Variants in RBFOX1 observed in about 807,000 individuals in gnomAD.
RBFOX1 encodes the protein RNA binding fox-1 homolog 1.
In RBFOX1, 8 loss-of-function variants were observed where a neutral mutation model predicts 57.7. The observed-to-expected ratio is 0.14, with a 90% CI of 0.08 to 0.25. The LOEUF (loss-of-function observed/expected upper bound fraction) is 0.25, where lower values mean the gene tolerates loss of function less well. Ranked by LOEUF, RBFOX1 falls within the 10% of genes least tolerant of loss-of-function variation. RBFOX1 has a pLI of 1.00. For synonymous variants in RBFOX1, 326 were observed against 222.4 expected, an observed-to-expected ratio of 1.47 and a Z score of -4.15; for missense variants, 611 against 548.5, an observed-to-expected ratio of 1.11 and a Z score of -1.14.
chr16:7,325,354 C>T (rs1394405791), intron 4 of RBFOX1, among the ~76,000 whole-genome samples: 2 of 152,186 alleles, frequency 1.3e-5, no homozygotes, highest in African/African-American at 4.8e-5. Context: ...CTGGTAGGAA[C>T]TGGGCTTTTA....
intron 4 of RBFOX1, among the ~76,000 whole-genome samples, chr16:7,388,621 C>T (rs934327098): frequency 6.8e-6 from 1 of 147,916 alleles, no homozygotes; most frequent in East Asian, 2.0e-4. Context: ...AGGCAGTCCC[C>T]AACTTAAAAG....
intron 3 of RBFOX1, chr16:6,873,776 T>G (rs934847844): frequency 1.3e-5 from 2 of 152,186 alleles, no homozygotes; most frequent in Non-Finnish European, 2.9e-5. Context: ...GCTTAATTAT[T>G]GCAGCAACTC....
At chr16:6,351,370 A>ATTTT (rs1446484402) in intron 2 of RBFOX1, among the ~76,000 whole-genome samples, 166 of 100,492 alleles carry the variant, frequency 1.7e-3, no homozygotes, top group Middle Eastern at 5.7e-3. Flanking sequence ...ATATATATAT[A>ATTTT]TATTTTTTTT....
At chr16:6,876,026 AAGC>A (rs1247963044) in intron 3 of RBFOX1, among the ~76,000 whole-genome samples, 1 of 151,902 alleles carries the variant, frequency 6.6e-6, no homozygotes, top group Non-Finnish European at 1.5e-5. Flanking sequence ...TAAAAAAAAT[AAGC>A]AGGCATAGTA....
intron 3 of RBFOX1, among the ~76,000 whole-genome samples, chr16:7,011,995 C>T (rs929547052): frequency 6.6e-6 from 1 of 152,168 alleles, no homozygotes; most frequent in African/African-American, 2.4e-5. Flanking sequence ...ATGTGGTGTT[C>T]TGATCAATGA....
chr16:7,225,757 G>T (rs953875298), intron 4 of RBFOX1, among the ~76,000 whole-genome samples: 3 of 99,518 alleles, frequency 3.0e-5, no homozygotes, highest in African/African-American at 8.4e-5. Flanking sequence ...GACATTTGGG[G>T]GTGGGGGGAG....
chr16:5,895,341 A>C (rs928330059), intron 4 of RBFOX1, among the ~76,000 whole-genome samples: 3 of 152,224 alleles, frequency 2.0e-5, no homozygotes, highest in Admixed American at 2.0e-4. Flanking sequence ...TCACATGCCC[A>C]TTACATTATC....
At chr16:6,148,036 C>A (rs1466755240) in intron 1 of RBFOX1, among the ~76,000 whole-genome samples, 1 of 152,192 alleles carries the variant, frequency 6.6e-6, no homozygotes. Context: ...GGTTTCTAAA[C>A]TGGCAGTGTA....
At chr16:5,278,655 T>A (rs2063198767) in intron 1 of RBFOX1, among the ~76,000 whole-genome samples, 1 of 152,250 alleles carries the variant, frequency 6.6e-6, no homozygotes, top group South Asian at 2.1e-4. Context: ...TTTTTAAGTG[T>A]TAGCCATGCA....
intron 1 of RBFOX1, among the ~76,000 whole-genome samples, chr16:5,275,748 A>G (rs1596365831): frequency 6.6e-6 from 1 of 152,226 alleles, no homozygotes; most frequent in Non-Finnish European, 1.5e-5. Context: ...AAGCAAAAAG[A>G]ACCAATCTAG....
At chr16:6,746,612 A>C (rs910488228) in intron 3 of RBFOX1, among the ~76,000 whole-genome samples, 1 of 151,964 alleles carries the variant, frequency 6.6e-6, no homozygotes, top group African/African-American at 2.4e-5. Flanking sequence ...TGGGAAGTTG[A>C]GGCTGCAGTG....
chr16:6,415,966 C>T (rs2093613846), intron 2 of RBFOX1, among the ~76,000 whole-genome samples: 1 of 152,202 alleles, frequency 6.6e-6, no homozygotes, highest in Non-Finnish European at 1.5e-5. Context: ...TTGTGCTTGT[C>T]ACAATATCCC....
At chr16:5,995,203 C>G (rs1463060590) in intron 4 of RBFOX1, among the ~76,000 whole-genome samples, 1 of 152,206 alleles carries the variant, frequency 6.6e-6, no homozygotes, top group African/African-American at 2.4e-5. Flanking sequence ...TATTTATTGA[C>G]TGCTCAGTAT....
chr16:6,137,163 A>G (rs2096672830), intron 1 of RBFOX1, among the ~76,000 whole-genome samples: 1 of 152,204 alleles, frequency 6.6e-6, no homozygotes, highest in Admixed American at 6.5e-5. Context: ...GTTGCGTACA[A>G]ATTTTGTCAG....
chr16:7,432,325 G>A (rs956894538), intron 4 of RBFOX1, among the ~76,000 whole-genome samples: 2 of 152,202 alleles, frequency 1.3e-5, no homozygotes, highest in Non-Finnish European at 2.9e-5. Context: ...ATAACTCCCA[G>A]AGAGAAGGGT....
chr16:7,252,262 C>T (rs59388925), intron 4 of RBFOX1, among the ~76,000 whole-genome samples: 1 of 152,136 alleles, frequency 6.6e-6, no homozygotes, highest in South Asian at 2.1e-4. Flanking sequence ...TCATTCAAAA[C>T]TTTAAATTTT....
intron 4 of RBFOX1, among the ~76,000 whole-genome samples, chr16:5,979,170 G>T (rs1483849844): frequency 1.3e-5 from 2 of 152,174 alleles, no homozygotes; most frequent in East Asian, 1.9e-4. Context: ...CCTGTCTGAG[G>T]TGAGCTCCAA....
intron 3 of RBFOX1, among the ~76,000 whole-genome samples, chr16:6,994,514 C>T (rs571243903): frequency 6.6e-6 from 1 of 152,040 alleles, no homozygotes; most frequent in Admixed American, 6.6e-5. Flanking sequence ...AACAAGTGAC[C>T]GATTTTCTTG....
chr16:5,942,655 T>C (rs1567172863), intron 4 of RBFOX1, among the ~76,000 whole-genome samples: 1 of 152,174 alleles, frequency 6.6e-6, no homozygotes, highest in Non-Finnish European at 1.5e-5. Flanking sequence ...TAAGGTCTAT[T>C]ATGTTTTAAA....
Sources: gnomAD v4.1 joint callset for allele counts (sites outside exome capture counted in the v4.1 genomes callset) on GRCh38, gnomAD v4.1.1 for gene constraint, MANE v1.5 for transcripts, NCBI Gene and HGNC (gene_info 2026-07-23, HGNC 2026-07-21) for gene names.